The following CYFIP1 variants were observed in gnomAD, a reference collection of about 807,000 sequenced individuals.
CYFIP1 encodes cytoplasmic FMR1-interacting protein 1.
Under a neutral mutation model 163.5 loss-of-function variants are expected in CYFIP1, and 58 were observed. The observed-to-expected ratio is 0.35, with a 90% CI of 0.29 to 0.44. CYFIP1 has a LOEUF of 0.44. Among genes scored for constraint, CYFIP1 ranks in the 20% least tolerant of loss-of-function variants. CYFIP1 has a pLI of 1.00. For synonymous variants in CYFIP1, 663 were observed against 660.7 expected (o/e 1.00, Z -0.05); for missense variants, 1,338 against 1,653.8 (o/e 0.81, Z 3.31).
intron 16 of CYFIP1, 163 bp from the exon 17 acceptor site, chr15:22,915,045 G>A: frequency 1.7e-6 from 1 of 604,576 alleles, no homozygotes; most frequent in Non-Finnish European, 2.7e-6. Flanking sequence ...CCTTGCACTA[G>A]GGACAGGACC....
chr15:22,888,200 A>C (rs974307503), intron 23 of CYFIP1, among the ~76,000 whole-genome samples: 2 of 152,130 alleles, frequency 1.3e-5, no homozygotes, highest in African/African-American at 4.8e-5. Flanking sequence ...AAAAAGCACT[A>C]ATCTGTTTTT....
intron 1 of CYFIP1, 56 bp downstream of exon 1, chr15:22,980,231 G>A (rs1338013657): frequency 6.6e-6 from 1 of 151,564 alleles, no homozygotes; most frequent in Non-Finnish European, 1.5e-5. Context: ...GGTTCCGAGG[G>A]GGACCCGGAC....
At chr15:22,966,208 G>A (rs1045379649) in intron 1 of CYFIP1, among the ~76,000 whole-genome samples, 11 of 151,682 alleles carry the variant, frequency 7.3e-5, no homozygotes, top group Non-Finnish European at 1.0e-4. Context: ...TACAAAATTA[G>A]CCAGGCGTGG....
At position 22,964,963 on chromosome 15, in the gene CYFIP1, G is replaced by A. The variant is rs558990219; in HGVS notation, c.-7+15324C>T. ...CTGGGCCTGGCTTATTTTACTAAGCGTAATGTCTTCCAGGTTTATCCTTGT... is the reference window on the plus strand; with the variant it reads ...CTGGGCCTGGCTTATTTTACTAAGCATAATGTCTTCCAGGTTTATCCTTGT... On this transcript the variant is annotated intron_variant, in intron 1 of 30. Transcript: ENST00000617928. Among the ~76,000 whole-genome samples the A allele has an allele frequency of 8.5e-5, 13 of 152,130 alleles. No homozygotes were observed. In the South Asian group the frequency reaches 1.9e-3, roughly 22 times the overall value.
chr15:22,950,009 AG>A (rs1220174369), intron 1 of CYFIP1, among the ~76,000 whole-genome samples: 2 of 152,202 alleles, frequency 1.3e-5, no homozygotes, highest in Non-Finnish European at 2.9e-5. Context: ...AGCTATCCAA[AG>A]CAAAATAGAT....
At chr15:22,885,886 T>C (rs1189887755) in intron 23 of CYFIP1, among the ~76,000 whole-genome samples, 1 of 152,180 alleles carries the variant, frequency 6.6e-6, no homozygotes, top group Non-Finnish European at 1.5e-5. Context: ...CAGGTATCTT[T>C]ATAGCAGTAC....
chr15:22,969,316 G>A (rs1056087401), intron 1 of CYFIP1, among the ~76,000 whole-genome samples: 1 of 152,108 alleles, frequency 6.6e-6, no homozygotes, highest in Non-Finnish European at 1.5e-5. Flanking sequence ...CCACGGCATG[G>A]GCTGTGCGTG....
chr15:22,906,561 G>A (rs1313071567), intron 21 of CYFIP1, among the ~76,000 whole-genome samples: 3 of 149,120 alleles, frequency 2.0e-5, no homozygotes, highest in African/African-American at 7.5e-5. Context: ...CGCCTCCCGG[G>A]TTCACGCCAT....
chr15:22,917,617 A>T lies in CYFIP1; in HGVS notation c.1674+171T>A. ...CAAGGCACGTCTCCTCACGCTCCCA[A>T]CTCACTTGGGTGGGAAACAGAGGAG... On this transcript the variant is annotated intron_variant, in intron 15 of 30. Coordinates refer to ENST00000617928, the MANE Select transcript of CYFIP1 (RefSeq NM_014608.6). The surrounding 1 kb of genome is among the most constrained non-coding windows in gnomAD (Gnocchi z 4.2). The T allele has an allele frequency of 2.5e-6, 2 of 806,176 alleles. No individual in the cohort carries two copies. The highest frequency in any genetic ancestry group is 3.7e-6 in the Non-Finnish European group (2 of 537,392). 49.9% of individuals were successfully genotyped at this position (806,176 alleles called of 1,614,324 possible).
At chr15:22,880,479 G>A (rs34898508) in intron 25 of CYFIP1, among the ~76,000 whole-genome samples, 35,762 of 152,182 alleles carry the variant, frequency 0.23, 5,440 homozygotes, top group Admixed American at 0.37. Flanking sequence ...CACGCCCAAC[G>A]GGAGGCCGCA....
Position 22,912,262 on chromosome 15 carries a change from A to C in CYFIP1, c.1999T>G (p.Ser667Ala). The C allele has an allele frequency of 6.2e-7, 1 of 1,611,476 alleles. No homozygotes were observed. Among genetic ancestry groups the C allele is most frequent in the Non-Finnish European group, 8.5e-7 (1 of 1,178,806 alleles). Reference protein sequence around the residue: ...EASMMEYVLYSLDLYNDSAHY... With the variant: ...EASMMEYVLYALDLYNDSAHY... ...GCGCTGTCATTGTACAGGTCCAGGG[A>C]GTAGAGCACGTACCTGCAGAGGACA... The change falls in exon 18 of 31, where the codon TCC (serine) becomes GCC (alanine). Residue 667 changes from serine (S) to alanine (A), a missense_variant. Physicochemically the swap from Ser to Ala is moderately conservative, Grantham distance 99 (BLOSUM62 1). Transcript: ENST00000617928.
intron 13 of CYFIP1, among the ~76,000 whole-genome samples, chr15:22,923,253 G>C (rs1196382782): frequency 6.6e-6 from 1 of 152,122 alleles, no homozygotes; most frequent in Non-Finnish European, 1.5e-5. Context: ...ATAAGGAACT[G>C]TTACAACTCA....
At chr15:22,886,525 G>T (rs2059931638) in intron 23 of CYFIP1, among the ~76,000 whole-genome samples, 1 of 151,672 alleles carries the variant, frequency 6.6e-6, no homozygotes, top group South Asian at 2.1e-4. Flanking sequence ...AATTTCTCTT[G>T]AGATTTCCTC....
chr15:22,957,099 C>A (rs796398706), intron 1 of CYFIP1, among the ~76,000 whole-genome samples: 1 of 152,170 alleles, frequency 6.6e-6, no homozygotes, highest in South Asian at 2.1e-4. Context: ...CTGTGGCAGG[C>A]GGCACGCCGA....
rs1447141647 is a variant in CYFIP1 at position 22,867,213 on chromosome 15, C to A, written c.*2815G>T. ...TTTGTCATCCCCACTCCATCAATCC[C>A]TGACCATGTAAGGCTTTTTTATTTT... On this transcript the variant is annotated 3_prime_UTR_variant, in exon 31 of 31. Coordinates refer to ENST00000617928, the MANE Select transcript of CYFIP1 (RefSeq NM_014608.6). 2 of 413,416 alleles carry A rather than the reference C, an allele frequency of 4.8e-6. No individual in the cohort carries two copies. The highest frequency in any genetic ancestry group is 4.1e-5 in the African/African-American group (2 of 48,680). The allele number at this position is 413,416 out of a possible 1,614,324, so 25.6% of individuals were successfully genotyped here.
chr15:22,877,565 T>G (rs958462969), intron 26 of CYFIP1, among the ~76,000 whole-genome samples: 4 of 151,678 alleles, frequency 2.6e-5, no homozygotes, highest in Non-Finnish European at 5.9e-5. Context: ...TCCTAACATC[T>G]GGTTTTTAAC....
chr15:22,905,060 C>A (rs1397783366), intron 21 of CYFIP1: 1 of 152,172 alleles, frequency 6.6e-6, no homozygotes, highest in Non-Finnish European at 1.5e-5. Flanking sequence ...TGGTGAAGGT[C>A]TGAGGACAAT....
chr15:22,958,757 T>C (rs1164459964), intron 1 of CYFIP1, among the ~76,000 whole-genome samples: 1 of 152,224 alleles, frequency 6.6e-6, no homozygotes, highest in Non-Finnish European at 1.5e-5. Context: ...ACGCTTTCAC[T>C]GGCTCTCTCT....
rs774362923 is a variant in CYFIP1, at chr15:22,917,782, G to A, written c.1674+6C>T. 1.5e-5 allele frequency: 24 copies of A among 1,598,084 alleles called. No individual in the cohort carries two copies. The highest frequency in any genetic ancestry group is 6.7e-5 in the East Asian group (3 of 44,446). On this transcript the variant is annotated splice_donor_region_variant and intron_variant, in intron 15 of 30. Coordinates refer to ENST00000617928, the MANE Select transcript of CYFIP1 (RefSeq NM_014608.6). This position sits in a 1 kb window ranked among gnomAD's most constrained non-coding sequence, Gnocchi z 4.2. ...AGGGTGCAGGCGGGGCTCAAGGGAC[G>A]AGAACCTGAGTGCTGGAGGGTCCCA...
Sources: gnomAD v4.1 joint callset for allele counts (sites outside exome capture counted in the v4.1 genomes callset) on GRCh38, gnomAD v4.1.1 for gene constraint, Gnocchi (gnomAD v3.1) non-coding constraint, MANE v1.5 for transcripts, NCBI Gene and HGNC (gene_info 2026-07-23, HGNC 2026-07-21) for gene names.